Variants in DENND2B observed in about 807,000 individuals in gnomAD.
DENND2B encodes DENN domain containing 2B.
A neutral mutation model predicts 116.0 loss-of-function variants in DENND2B; 32 were observed. The ratio of observed to expected loss-of-function variants is 0.28; its 90% CI spans 0.21 to 0.37. DENND2B has a LOEUF of 0.37. Ranked by LOEUF, DENND2B falls within the 10% of genes least tolerant of loss-of-function variation. The pLI is 1.00. For missense variants in DENND2B, 1,276 were observed against 1,477.7 expected (o/e 0.86, Z 2.24); for synonymous variants, 588 against 583.9 (o/e 1.01, Z -0.10).
At chr11:8,734,669 A>T (rs2048669775) in intron 2 of DENND2B, among the ~76,000 whole-genome samples, 3 of 151,780 alleles carry the variant, frequency 2.0e-5, no homozygotes, top group Non-Finnish European at 4.4e-5. Flanking sequence ...GGCAACTGTA[A>T]TTGCAGTGAC....
At chr11:8,740,786 C>A (rs1391396108) in intron 2 of DENND2B, among the ~76,000 whole-genome samples, 1 of 152,176 alleles carries the variant, frequency 6.6e-6, no homozygotes, top group Non-Finnish European at 1.5e-5. Flanking sequence ...CTACTAAGGG[C>A]CCTGTTGGCT....
At chr11:8,703,886 G>T (rs1196446713) in intron 13 of DENND2B, among the ~76,000 whole-genome samples, 2 of 152,268 alleles carry the variant, frequency 1.3e-5, no homozygotes, top group East Asian at 3.9e-4. Context: ...CACCCCAAAT[G>T]GTCAGTGAAC....
chr11:8,855,083 T>A (rs1452609397), intron 3 of DENND2B, among the ~76,000 whole-genome samples: 2 of 151,048 alleles, frequency 1.3e-5, no homozygotes, highest in African/African-American at 4.9e-5. Context: ...AGGTCAAGGC[T>A]ACAGTGAGCT....
intron 1 of DENND2B, among the ~76,000 whole-genome samples, chr11:8,762,676 C>T (rs970768612): frequency 6.6e-6 from 1 of 152,166 alleles, no homozygotes; most frequent in African/African-American, 2.4e-5. Context: ...GCCTGACCAA[C>T]ATGGAGAAAT....
chr11:8,856,366 T>A (rs1056863058), intron 3 of DENND2B, among the ~76,000 whole-genome samples: 3 of 152,218 alleles, frequency 2.0e-5, no homozygotes, highest in African/African-American at 7.2e-5. Context: ...AAGTGTTTTG[T>A]TAGAGATGGA....
upstream of DENND2B, among the ~76,000 whole-genome samples, chr11:8,872,245 T>C (rs1337476346): frequency 6.6e-6 from 1 of 152,092 alleles, no homozygotes; most frequent in Non-Finnish European, 1.5e-5. Flanking sequence ...CCCAGCACTT[T>C]GGAGGCCAAG....
chr11:8,783,751 T>G (rs1459448730), intron 1 of DENND2B, among the ~76,000 whole-genome samples: 3 of 152,168 alleles, frequency 2.0e-5, no homozygotes, highest in African/African-American at 7.2e-5. Flanking sequence ...TGAGTTTTAC[T>G]TGAAATAACG....
At chr11:8,718,766 C>A in intron 4 of DENND2B, 2 of 1,040,102 alleles carry the variant, frequency 1.9e-6, no homozygotes, top group Non-Finnish European at 2.3e-6. Context: ...ACCAGAAAAT[C>A]TCAGAAAAGT....
intron 1 of DENND2B, among the ~76,000 whole-genome samples, chr11:8,807,575 T>TGA (rs1292648014): frequency 3.3e-5 from 5 of 151,918 alleles, no homozygotes; most frequent in Non-Finnish European, 5.9e-5. Flanking sequence ...ATATCTAATT[T>TGA]GAGAGAGAGA....
intron 2 of DENND2B, among the ~76,000 whole-genome samples, chr11:8,741,777 G>A (rs1239295551): frequency 6.6e-6 from 1 of 152,196 alleles, no homozygotes; most frequent in Non-Finnish European, 1.5e-5. Context: ...TGTTCTGGCT[G>A]CCAGTCCCAG....
At chr11:8,785,845 A>T (rs2058852016) in intron 1 of DENND2B, 1 of 152,346 alleles carries the variant, frequency 6.6e-6, no homozygotes, top group South Asian at 2.1e-4. Flanking sequence ...TAGTATAAGG[A>T]TTAAACAAAA....
chr11:8,823,243 C>G (rs1325229383), intron 4 of DENND2B, among the ~76,000 whole-genome samples: 1 of 152,080 alleles, frequency 6.6e-6, no homozygotes, highest in Non-Finnish European at 1.5e-5. Context: ...AGAAAAATCT[C>G]TCTTGATCTT....
chr11:8,741,640 T>C (rs1301163070), intron 2 of DENND2B, among the ~76,000 whole-genome samples: 1 of 152,148 alleles, frequency 6.6e-6, no homozygotes, highest in East Asian at 1.9e-4. Context: ...ACTGCTTGAT[T>C]GATAGCATAC....
At chr11:8,850,490 C>G (rs553756200) in intron 3 of DENND2B, among the ~76,000 whole-genome samples, 1 of 151,658 alleles carries the variant, frequency 6.6e-6, no homozygotes, top group African/African-American at 2.4e-5. Context: ...AAAACTACAC[C>G]GAGATAACAC....
rs79204974 is a variant in DENND2B at position 8,827,529 on chromosome 11, A to G, written c.-115+11781T>C. ...AGGTAAAGGCCCAGAGGAGATGAAG[A>G]AGGGGTGCATACTCTGGGAAAATTT... On this transcript the variant is annotated intron_variant, in intron 4 of 6. Coordinates refer to the DENND2B transcript ENST00000524757. Among the ~76,000 whole-genome samples the G allele has an allele frequency of 4.4e-3, 665 of 152,304 alleles. 23 individuals are homozygous for G. In the East Asian group the frequency reaches 0.083, roughly 19 times the overall value.
intron 2 of DENND2B, among the ~76,000 whole-genome samples, chr11:8,859,657 G>C (rs983895720): frequency 1.3e-5 from 2 of 152,218 alleles, no homozygotes; most frequent in African/African-American, 4.8e-5. Context: ...ATATTTCAAA[G>C]AAATCAATGT....
intron 1 of DENND2B, among the ~76,000 whole-genome samples, chr11:8,894,474 G>A (rs1240209144): frequency 1.3e-5 from 2 of 151,802 alleles, no homozygotes; most frequent in African/African-American, 4.8e-5. Context: ...CTACAAAATG[G>A]GAGAAAATTT....
Position 8,707,121 on chromosome 11 carries a change from G to A in DENND2B, c.2535C>T (p.Ile845=). 1 of 1,613,762 alleles carries A rather than the reference G, an allele frequency of 6.2e-7. No homozygotes were observed. Among genetic ancestry groups the A allele is most frequent in the Non-Finnish European group, 8.5e-7 (1 of 1,179,822 alleles). Residue 845 remains isoleucine, a synonymous_variant, in exon 13 of 20, where the codon ATC becomes ATT. Coordinates refer to ENST00000313726, the MANE Select transcript of DENND2B (RefSeq NM_213618.2). This position sits in a 1 kb window ranked among gnomAD's most constrained non-coding sequence, Gnocchi z 4.8. ...CACCTGGCAGGAATGTCTTCACTTT[G>A]ATGGTCTTCCCTGGGGCTGGGAAGG... The part of the protein sequence containing the change: ...ESPFPAPGKT[I]KVKTFLPGAG...
intron 1 of DENND2B, among the ~76,000 whole-genome samples, chr11:8,804,570 A>C (rs1593954220): frequency 2.3e-5 from 2 of 87,648 alleles, no homozygotes; most frequent in African/African-American, 8.2e-5. Context: ...TTTGAGACGA[A>C]GTCTTGCTCT....
Sources: gnomAD v4.1 joint callset for allele counts (sites outside exome capture counted in the v4.1 genomes callset) on GRCh38, gnomAD v4.1.1 for gene constraint, Gnocchi (gnomAD v3.1) non-coding constraint, MANE v1.5 for transcripts, NCBI Gene and HGNC (gene_info 2026-07-23, HGNC 2026-07-21) for gene names.